The following XYLT1 variants were observed in gnomAD, a reference collection of about 807,000 sequenced individuals.
XYLT1 encodes the protein xylosyltransferase 1, also known as beta-D-xylosyltransferase 1.
Under a neutral mutation model 91.3 loss-of-function variants are expected in XYLT1, and 36 were observed. That is an observed-to-expected ratio of 0.39 (90% confidence interval 0.30 to 0.52). XYLT1 has a LOEUF of 0.52. Ranked by LOEUF, XYLT1 falls within the 20% of genes least tolerant of loss-of-function variation. The probability of loss-of-function intolerance (pLI) is 0.68; values close to 1 mark genes in which losing one functional copy is unlikely to be tolerated. For missense variants in XYLT1, 1,242 were observed against 1,284.5 expected, an observed-to-expected ratio of 0.97 and a Z score of 0.51; for synonymous variants, 588 against 532.0, an observed-to-expected ratio of 1.11 and a Z score of -1.45.
intron 3 of XYLT1, among the ~76,000 whole-genome samples, chr16:17,201,522 T>C (rs189564874): frequency 5.9e-4 from 89 of 151,666 alleles, no homozygotes; most frequent in South Asian, 4.6e-3. Flanking sequence ...TTGCCCAGGC[T>C]GCAGTGCAGT....
At chr16:17,260,300 C>T (rs549417046) in intron 2 of XYLT1, among the ~76,000 whole-genome samples, 2 of 152,126 alleles carry the variant, frequency 1.3e-5, no homozygotes, top group Non-Finnish European at 2.9e-5. Context: ...TTTGATCAGT[C>T]GAATGATCAA....
At chr16:17,447,350 G>A (rs1402867305) in intron 1 of XYLT1, among the ~76,000 whole-genome samples, 3 of 152,192 alleles carry the variant, frequency 2.0e-5, no homozygotes, top group Non-Finnish European at 4.4e-5. Context: ...CAGGCTTGGG[G>A]CAGAATGTCT....
At chr16:17,406,989 CTTTATT>C (rs1476053607) in intron 1 of XYLT1, among the ~76,000 whole-genome samples, 1 of 151,718 alleles carries the variant, frequency 6.6e-6, no homozygotes, top group Non-Finnish European at 1.5e-5. Flanking sequence ...TTTGCTGCTT[CTTTATT>C]TTTATTTTTT....
Position 17,198,818 on chromosome 16 carries a change from C to A in XYLT1, c.1087-404G>T, listed in dbSNP as rs533967437. ...GGAACAAAGTGGTGCCATCTCAGCT[C>A]ACTGCAACCTCCACCACCCAAGTTC... is the stretch of plus-strand genomic sequence containing the variant. On this transcript the variant is annotated intron_variant, in intron 4 of 11. Transcript: ENST00000261381. 7.9e-5 allele frequency among the ~76,000 whole-genome samples: 12 copies of A among 152,302 alleles called. No individual in the cohort carries two copies. In the East Asian group the frequency reaches 2.1e-3, roughly 27 times the overall value.
intron 6 of XYLT1, among the ~76,000 whole-genome samples, chr16:17,144,553 G>A (rs2031083159): frequency 2.6e-5 from 4 of 152,168 alleles, no homozygotes; most frequent in Admixed American, 2.0e-4. Flanking sequence ...GGGGTGCAGG[G>A]AGGAGAGAAA....
At chr16:17,320,150 T>C (rs751636002) in intron 2 of XYLT1, among the ~76,000 whole-genome samples, 2 of 152,246 alleles carry the variant, frequency 1.3e-5, no homozygotes, top group Non-Finnish European at 2.9e-5. Context: ...ATATATGTAT[T>C]GTTTGTTTCC....
At chr16:17,351,866 A>T (rs2035225478) in intron 2 of XYLT1, among the ~76,000 whole-genome samples, 1 of 151,996 alleles carries the variant, frequency 6.6e-6, no homozygotes, top group Non-Finnish European at 1.5e-5. Flanking sequence ...ATGTTGGGCC[A>T]GGTACAGTGG....
intron 1 of XYLT1, among the ~76,000 whole-genome samples, chr16:17,449,335 A>G (rs1044377772): frequency 1.3e-5 from 2 of 152,218 alleles, no homozygotes; most frequent in East Asian, 3.9e-4. Flanking sequence ...ACGGGCATGG[A>G]GAACAGCAGC....
chr16:17,305,214 T>G (rs1462770033), intron 2 of XYLT1, among the ~76,000 whole-genome samples: 1 of 151,922 alleles, frequency 6.6e-6, no homozygotes, highest in African/African-American at 2.4e-5. Context: ...AGGATGGGAG[T>G]CATTCTCCAA....
In XYLT1 at chr16:17,390,102, C is replaced by G. The variant is rs1596520132; in HGVS notation, c.364-32052G>C. Among the ~76,000 whole-genome samples, 5 of 152,302 alleles carry G rather than the reference C, an allele frequency of 3.3e-5. No individual in the cohort carries two copies. In the South Asian group the frequency reaches 1.0e-3, roughly 32 times the overall value. On this transcript the variant is annotated intron_variant, in intron 1 of 11. Transcript: ENST00000261381. ...GCAGCAGGAGAGGGGAATAAAACGTCAGGGAAGTCAACTCTAGGTTTAAGA... is the reference window on the plus strand; with the variant it reads ...GCAGCAGGAGAGGGGAATAAAACGTGAGGGAAGTCAACTCTAGGTTTAAGA...
intron 1 of XYLT1, among the ~76,000 whole-genome samples, chr16:17,406,836 A>G (rs1305635453): frequency 6.6e-6 from 1 of 152,196 alleles, no homozygotes; most frequent in African/African-American, 2.4e-5. Context: ...TGTTCCTTCA[A>G]CAAATTATTC....
At chr16:17,444,978 G>A (rs1401287948) in intron 1 of XYLT1, among the ~76,000 whole-genome samples, 1 of 152,172 alleles carries the variant, frequency 6.6e-6, no homozygotes, top group Admixed American at 6.5e-5. Flanking sequence ...AAATGGGTTA[G>A]AAGAGTGAAT....
intron 5 of XYLT1, among the ~76,000 whole-genome samples, chr16:17,194,664 G>C (rs1369295211): frequency 6.6e-6 from 1 of 152,180 alleles, no homozygotes; most frequent in East Asian, 1.9e-4. Context: ...GGTGGCCTGG[G>C]GCCATCCTGC....
intron 6 of XYLT1, among the ~76,000 whole-genome samples, chr16:17,157,446 C>T (rs540561552): frequency 6.6e-6 from 1 of 152,202 alleles, no homozygotes; most frequent in South Asian, 2.1e-4. Context: ...AGGCAAGGAC[C>T]GAGCGACCTA....
chr16:17,432,558 G>C (rs1354256554), intron 1 of XYLT1, among the ~76,000 whole-genome samples: 1 of 152,128 alleles, frequency 6.6e-6, no homozygotes, highest in African/African-American at 2.4e-5. Flanking sequence ...AGTCTTATCA[G>C]GGTTATGAAA....
chr16:17,331,914 G>C (rs1266847181), intron 2 of XYLT1, among the ~76,000 whole-genome samples: 2 of 152,226 alleles, frequency 1.3e-5, no homozygotes, highest in Non-Finnish European at 2.9e-5. Flanking sequence ...CCTCTAGCCA[G>C]ACAGCCTCCT....
intron 10 of XYLT1, among the ~76,000 whole-genome samples, chr16:17,120,755 T>C (rs985474018): frequency 1.3e-5 from 2 of 152,242 alleles, no homozygotes; most frequent in African/African-American, 4.8e-5. Context: ...TGCTCACCAA[T>C]ATGTCTCTAG....
In XYLT1 at chr16:17,312,854, A is replaced by G. The variant is rs370297126; in HGVS notation, c.402+45158T>C. 2.2e-4 allele frequency among the ~76,000 whole-genome samples: 34 copies of G among 152,358 alleles called. No homozygotes were observed. Among genetic ancestry groups the G allele is most frequent in the African/African-American group, 7.9e-4 (33 of 41,590 alleles). ...ACTTCTCCGGCAAGTTCTGGTAACT[A>G]GTGCAAACTCGCTCATGGATCAGAG... is the stretch of plus-strand genomic sequence containing the variant. On this transcript the variant is annotated intron_variant, in intron 2 of 11. Coordinates refer to ENST00000261381, the MANE Select transcript of XYLT1 (RefSeq NM_022166.4). The surrounding 1 kb of genome is among the most constrained non-coding windows in gnomAD (Gnocchi z 4.4).
At position 17,131,370 on chromosome 16, in the gene XYLT1, T is replaced by C. The variant is rs571248786; in HGVS notation, c.2027+3103A>G. Among the ~76,000 whole-genome samples the C allele has an allele frequency of 8.5e-5, 13 of 152,350 alleles. No homozygotes were observed. The South Asian group carries it at 2.7e-3, about 32-fold the overall frequency. On this transcript the variant is annotated intron_variant, in intron 9 of 11. Coordinates refer to ENST00000261381, the MANE Select transcript of XYLT1 (RefSeq NM_022166.4). The stretch of plus-strand genomic sequence containing the variant: ...CAGGAATGCAACCGAAGTATTCGTT[T>C]GGCCCAAAGCTGTTTTTCTTTCTTA...
Sources: allele counts gnomAD v4.1 joint callset (sites outside exome capture counted in the v4.1 genomes callset), GRCh38; gene constraint gnomAD v4.1.1; non-coding constraint Gnocchi (gnomAD v3.1); transcripts MANE v1.5; gene names NCBI Gene and HGNC (gene_info 2026-07-23, HGNC 2026-07-21).